The following PTGER4 variants were observed in gnomAD, a reference collection of about 807,000 sequenced individuals.
The protein encoded by PTGER4 is prostaglandin E2 receptor EP4 subtype.
PTGER4 carries 11 observed loss-of-function variants against 33.2 expected under a neutral mutation model. That is an observed-to-expected ratio of 0.33 (90% CI 0.21 to 0.55). The LOEUF (loss-of-function observed/expected upper bound fraction) is 0.55, where lower values mean the gene tolerates loss of function less well. Ranked by LOEUF, PTGER4 falls within the 20% of genes least tolerant of loss-of-function variation. PTGER4 has a pLI of 0.92. For synonymous variants in PTGER4, 275 were observed against 281.5 expected (o/e 0.98, Z 0.23); for missense variants, 481 against 650.2 (o/e 0.74, Z 2.83).
chr5:40,701,438 T>C, the PTGER4 span, among the ~76,000 whole-genome samples: 4 of 152,248 alleles, frequency 2.6e-5, no homozygotes, highest in South Asian at 8.3e-4. Flanking sequence ...ATCTCAGAAC[T>C]TGAAGACTGG....
intron 2 of PTGER4, among the ~76,000 whole-genome samples, chr5:40,685,070 A>G (rs1401213134): frequency 6.6e-6 from 1 of 152,184 alleles, no homozygotes; most frequent in Non-Finnish European, 1.5e-5. Context: ...AGGGCTAAAC[A>G]GTTACTATAG....
In PTGER4 at chr5:40,681,914, G is replaced by T; in HGVS notation, c.867+54G>T. Reference sequence around the variant, plus strand: ...GGCCTTTTTCTCGCATCCACCTCCCGCGTCCATTCCCCGCTCCCTGCTTTC... The same window carrying T: ...GGCCTTTTTCTCGCATCCACCTCCCTCGTCCATTCCCCGCTCCCTGCTTTC... On this transcript the variant is annotated intron_variant, in intron 2 of 2. Coordinates refer to ENST00000302472, the MANE Select transcript of PTGER4 (RefSeq NM_000958.3). The surrounding 1 kb of genome is among the most constrained non-coding windows in gnomAD (Gnocchi z 9.8). 2 of 1,469,308 alleles carry T rather than the reference G, an allele frequency of 1.4e-6. No homozygotes were observed. Among genetic ancestry groups the T allele is most frequent in the African/African-American group, 1.5e-5 (1 of 67,476 alleles). 91.0% of individuals were successfully genotyped at this position (1,469,308 alleles called of 1,614,324 possible).
the PTGER4 span, among the ~76,000 whole-genome samples, chr5:40,745,542 G>A: frequency 6.6e-6 from 1 of 151,222 alleles, no homozygotes; most frequent in African/African-American, 2.4e-5. Flanking sequence ...GTTTTGTTTT[G>A]GAGACAGCGT....
chr5:40,702,651 G>A, the PTGER4 span, among the ~76,000 whole-genome samples: 1 of 152,298 alleles, frequency 6.6e-6, no homozygotes, highest in Non-Finnish European at 1.5e-5. Context: ...ATTCAGCACT[G>A]GACCAAATGG....
rs1015147483 is a variant in PTGER4, at chr5:40,681,425, T to C, written c.432T>C (p.Tyr144=). 8.1e-6 allele frequency: 13 copies of C among 1,613,870 alleles called. No individual in the cohort carries two copies. The highest frequency in any genetic ancestry group is 1.0e-5 in the Non-Finnish European group (12 of 1,180,030). The change falls in exon 2 of 3, where the codon TAT becomes TAC. Residue 144 remains tyrosine (Y), a synonymous_variant. Coordinates refer to ENST00000302472, the MANE Select transcript of PTGER4 (RefSeq NM_000958.3). This position sits in a 1 kb window ranked among gnomAD's most constrained non-coding sequence, Gnocchi z 9.8. ...CGGGCCTCACGCTCTTTGCAGTCTA[T>C]GCGTCCAACGTGCTCTTTTGCGCGC... is the stretch of plus-strand genomic sequence containing the variant. ...RLAGLTLFAV[Y]ASNVLFCALP...
At chr5:40,700,264 G>A in the PTGER4 span, among the ~76,000 whole-genome samples, 2 of 152,312 alleles carry the variant, frequency 1.3e-5, no homozygotes, top group East Asian at 3.9e-4. Context: ...AAACTAAAAA[G>A]CAGGTCCACA....
chr5:40,726,974 A>G, the PTGER4 span, among the ~76,000 whole-genome samples: 1 of 152,186 alleles, frequency 6.6e-6, no homozygotes, highest in African/African-American at 2.4e-5. Context: ...AAATGGCAAG[A>G]AAAAAACAGT....
chr5:40,705,405 C>T, the PTGER4 span, among the ~76,000 whole-genome samples: 3 of 152,060 alleles, frequency 2.0e-5, no homozygotes, highest in African/African-American at 7.2e-5. Context: ...CATCCTGGAC[C>T]TAGGAATGGG....
chr5:40,720,973 T>C, the PTGER4 span, among the ~76,000 whole-genome samples: 30 of 152,300 alleles, frequency 2.0e-4, no homozygotes, highest in South Asian at 8.3e-4. Flanking sequence ...CTACATAATC[T>C]AACCACCTAC....
In PTGER4 at chr5:40,683,699, A is replaced by G. The variant is rs1231784796; in HGVS notation, c.867+1839A>G. 6.6e-6 allele frequency among the ~76,000 whole-genome samples: 1 copy of G among 152,230 alleles called. No homozygotes were observed. The highest frequency in any genetic ancestry group is 2.4e-5 in the African/African-American group (1 of 41,462). On this transcript the variant is annotated intron_variant, in intron 2 of 2. Transcript: ENST00000302472. This position sits in a 1 kb window ranked among gnomAD's most constrained non-coding sequence, Gnocchi z 4.2. ...GCCACGGATGAATTATTTTCTTCCA[A>G]CATCTAGAGAGACATACAAGGCTTA... is the stretch of plus-strand genomic sequence containing the variant.
chr5:40,710,114 G>C, the PTGER4 span, among the ~76,000 whole-genome samples: 1 of 152,128 alleles, frequency 6.6e-6, no homozygotes, highest in Admixed American at 6.5e-5. Context: ...CACAGCAAAA[G>C]AAACTACCAT....
chr5:40,733,901 CAG>C, the PTGER4 span, among the ~76,000 whole-genome samples: 3 of 152,140 alleles, frequency 2.0e-5, no homozygotes, highest in African/African-American at 7.2e-5. Flanking sequence ...TACATACAAA[CAG>C]ACATACACAC....
chr5:40,722,599 C>T, the PTGER4 span, among the ~76,000 whole-genome samples: 1 of 151,466 alleles, frequency 6.6e-6, no homozygotes, highest in African/African-American at 2.4e-5. Context: ...CCGGCCGCCC[C>T]GTCTGAGAAG....
At chr5:40,732,159 G>A in the PTGER4 span, among the ~76,000 whole-genome samples, 3 of 152,100 alleles carry the variant, frequency 2.0e-5, no homozygotes, top group Non-Finnish European at 2.9e-5. Flanking sequence ...ACAGGCATAT[G>A]CCACTATGGC....
Position 40,685,547 on chromosome 5 carries a change from A to G in PTGER4, c.867+3687A>G, listed in dbSNP as rs1741302533. ...AAATAAATTTGGCTAAGTTTAAAAAATTGCAATGCCTAGAAGGAAGTTTTA... is the reference window on the plus strand; with the variant it reads ...AAATAAATTTGGCTAAGTTTAAAAAGTTGCAATGCCTAGAAGGAAGTTTTA... On this transcript the variant is annotated intron_variant, in intron 2 of 2. Transcript: ENST00000302472. 1.1e-5 allele frequency: 8 copies of G among 750,220 alleles called. No individual in the cohort carries two copies. The African/African-American group carries it at 1.5e-4, about 14-fold the overall frequency. The allele number at this position is 750,220 out of a possible 1,614,324, so 46.5% of individuals were successfully genotyped here. A position where few individuals can be genotyped will look rare whatever the true frequency, so the allele number is the denominator to read the frequency against.
chr5:40,683,594 TAGAAGG>T lies in PTGER4; in HGVS notation c.867+1735_867+1740del, dbSNP rs1235664484. On this transcript the variant is annotated intron_variant, in intron 2 of 2. Coordinates refer to ENST00000302472, the MANE Select transcript of PTGER4 (RefSeq NM_000958.3). This position sits in a 1 kb window ranked among gnomAD's most constrained non-coding sequence, Gnocchi z 4.2. Reference sequence around the variant, plus strand: ...CTTAAAGGGACAGAGGAATTAGAGCTAGAAGGTTAGCAACATGCACATACTTTATAA... The same window carrying T: ...CTTAAAGGGACAGAGGAATTAGAGCTTTAGCAACATGCACATACTTTATAA... Among the ~76,000 whole-genome samples, 6 of 152,234 alleles carry T rather than the reference TAGAAGG, an allele frequency of 3.9e-5. No individual in the cohort carries two copies. The highest frequency in any genetic ancestry group is 8.8e-5 in the Non-Finnish European group (6 of 68,046).
the PTGER4 span, among the ~76,000 whole-genome samples, chr5:40,718,335 G>A: frequency 6.6e-6 from 1 of 152,006 alleles, no homozygotes; most frequent in Non-Finnish European, 1.5e-5. Context: ...GAACCCCGGA[G>A]GCAGAGGTTA....
At chr5:40,697,230 G>GAAAGAGAAAGAAAGAAAGAAAGAA (rs1741624442), downstream of PTGER4, among the ~76,000 whole-genome samples, 1 of 33,966 alleles carries the variant, frequency 2.9e-5, no homozygotes, top group Non-Finnish European at 6.5e-5. Flanking sequence ...AAGAAGAAAA[G>GAAAGAGAAAGAAAGAAAGAAAGAA]AAAGAAAGAA....
At chr5:40,732,886 G>C in the PTGER4 span, among the ~76,000 whole-genome samples, 57 of 152,212 alleles carry the variant, frequency 3.7e-4, no homozygotes, top group Non-Finnish European at 7.1e-4. Context: ...GGGATTATAG[G>C]CATGAGCCAC....
Sources: allele counts gnomAD v4.1 joint callset (sites outside exome capture counted in the v4.1 genomes callset), GRCh38; gene constraint gnomAD v4.1.1; non-coding constraint Gnocchi (gnomAD v3.1); transcripts MANE v1.5; gene names NCBI Gene and HGNC (gene_info 2026-07-23, HGNC 2026-07-21).